The following ACOT11 variants were observed in gnomAD, a reference collection of about 807,000 sequenced individuals.
ACOT11 encodes the protein acyl-CoA thioesterase 11, also known as acyl-coenzyme A thioesterase 11.
ACOT11 carries 69 observed loss-of-function variants against 77.5 expected under a neutral mutation model. The observed-to-expected ratio is 0.89, with a 90% CI of 0.73 to 1.09. The LOEUF is 1.09. Among genes scored for constraint, ACOT11 ranks in the 50% least tolerant of loss-of-function variants. The pLI is 0.00. For missense variants in ACOT11, 766 were observed against 813.7 expected, an observed-to-expected ratio of 0.94 and a Z score of 0.71; for synonymous variants, 279 against 313.0, an observed-to-expected ratio of 0.89 and a Z score of 1.15.
intron 3 of ACOT11, among the ~76,000 whole-genome samples, chr1:54,587,189 T>C (rs1442410017): frequency 6.6e-6 from 1 of 152,094 alleles, no homozygotes; most frequent in Non-Finnish European, 1.5e-5. Context: ...TGTAGGAACG[T>C]CATTCAATTC....
chr1:54,590,218 T>C (rs1654659054), intron 3 of ACOT11, among the ~76,000 whole-genome samples: 1 of 152,230 alleles, frequency 6.6e-6, no homozygotes, highest in African/African-American at 2.4e-5. Flanking sequence ...TCTAGAGTCC[T>C]TCATCACCTG....
intron 1 of ACOT11, among the ~76,000 whole-genome samples, chr1:54,577,182 G>GACCA (rs1355215891): frequency 6.6e-6 from 1 of 152,088 alleles, no homozygotes; most frequent in East Asian, 1.9e-4. Context: ...ATTTTAAAGT[G>GACCA]ACCAGTTCCA....
intron 1 of ACOT11, among the ~76,000 whole-genome samples, chr1:54,554,290 AGTGTGTGTGTGTGT>A (rs67577349): frequency 1.8e-3 from 191 of 108,430 alleles, no homozygotes; most frequent in Middle Eastern, 5.2e-3. Flanking sequence ...AGTATTCCAT[AGTGTGTGTGTGTGT>A]GTGTGTGTGT....
chr1:54,555,345 G>A (rs1653222917), intron 1 of ACOT11, among the ~76,000 whole-genome samples: 1 of 152,176 alleles, frequency 6.6e-6, no homozygotes, highest in Non-Finnish European at 1.5e-5. Flanking sequence ...GATTAGTGAT[G>A]TTGAGCATTT....
In ACOT11 at chr1:54,556,140, T is replaced by C. The variant is rs573234083; in HGVS notation, c.33+7798T>C. Reference sequence around the variant, plus strand: ...CCAACATCAATTGTTGAATAGACTGTCCCTTCCCCAATGTGTGTTCTGGCA... The same window carrying C: ...CCAACATCAATTGTTGAATAGACTGCCCCTTCCCCAATGTGTGTTCTGGCA... On this transcript the variant is annotated intron_variant, in intron 1 of 15. Coordinates refer to ENST00000343744, the MANE Select transcript of ACOT11 (RefSeq NM_147161.4). Among the ~76,000 whole-genome samples the C allele has an allele frequency of 3.1e-3, 468 of 152,328 alleles. 2 individuals are homozygous for C. The highest frequency in any genetic ancestry group is 0.01 in the African/African-American group (436 of 41,580).
At chr1:54,560,810 C>A (rs145083412) in intron 1 of ACOT11, among the ~76,000 whole-genome samples, 5,845 of 152,194 alleles carry the variant, frequency 0.038, 342 homozygotes, top group African/African-American at 0.13. Context: ...CAACCTCCGC[C>A]TCCTGGGTTC....
At chr1:54,571,686 C>T (rs1457050863) in intron 1 of ACOT11, among the ~76,000 whole-genome samples, 2 of 152,220 alleles carry the variant, frequency 1.3e-5, no homozygotes, top group Non-Finnish European at 2.9e-5. Flanking sequence ...CTGCTCCGCT[C>T]AGGAATGTTT....
chr1:54,565,719 C>G (rs2100954323), intron 1 of ACOT11, among the ~76,000 whole-genome samples: 1 of 152,290 alleles, frequency 6.6e-6, no homozygotes, highest in East Asian at 1.9e-4. Context: ...AAAGGCAATT[C>G]TTAGCCCCCG....
rs774157291 is a variant in ACOT11 at position 54,607,098 on chromosome 1, G to A, written c.1371-36G>A. 6.2e-7 allele frequency: 1 copy of A among 1,612,464 alleles called. No homozygotes were observed. Among genetic ancestry groups the A allele is most frequent in the Admixed American group, 1.7e-5 (1 of 59,974 alleles). ...CCCGCTGCTTGCATGGGAGCTGGAAGCTTCCTGGGGCACTGAGATCCCGGC... is the reference window on the plus strand; with the variant it reads ...CCCGCTGCTTGCATGGGAGCTGGAAACTTCCTGGGGCACTGAGATCCCGGC... On this transcript the variant is annotated intron_variant, in intron 13 of 15. Coordinates refer to ENST00000343744, the MANE Select transcript of ACOT11 (RefSeq NM_147161.4). This position sits in a 1 kb window ranked among gnomAD's most constrained non-coding sequence, Gnocchi z 4.5.
At chr1:54,613,485 G>T (rs929515955), downstream of ACOT11, among the ~76,000 whole-genome samples, 1 of 150,006 alleles carries the variant, frequency 6.7e-6, no homozygotes, top group South Asian at 2.1e-4. Context: ...ACGTGGTCTC[G>T]CTGTGTTGCC....
At position 54,603,930 on chromosome 1, in the gene ACOT11, G is replaced by C. The variant is rs749372318; in HGVS notation, c.1145G>C (p.Ser382Thr). Residue 382 changes from serine to threonine, a missense_variant, in exon 11 of 16, where the codon AGC becomes ACC. Ser to Thr is a moderately conservative substitution (Grantham distance 58). Coordinates refer to ENST00000343744, the MANE Select transcript of ACOT11 (RefSeq NM_147161.4). ...CCCCTCTCCGTCCCCTGGGACCCTA[G>C]CAACCAGGTAAGGCTCTCTGCTCCG... ...EVPLSVPWDP[S>T]NQVYLSYNNV... The C allele has an allele frequency of 5.0e-5, 81 of 1,613,928 alleles. No homozygotes were observed. The highest frequency in any genetic ancestry group is 5.8e-5 in the Non-Finnish European group (69 of 1,179,966).
intron 15 of ACOT11, among the ~76,000 whole-genome samples, chr1:54,617,548 C>G (rs1644185516): frequency 6.6e-6 from 1 of 151,224 alleles, no homozygotes; most frequent in South Asian, 2.1e-4. Flanking sequence ...GTGGTCTGTA[C>G]AATCAGGGCC....
downstream of ACOT11, among the ~76,000 whole-genome samples, chr1:54,612,195 G>T (rs566832260): frequency 1.9e-3 from 290 of 151,932 alleles, 3 homozygotes; most frequent in Middle Eastern, 0.017. Context: ...TAGCCCCAGG[G>T]GTACAGCGGG....
chr1:54,560,982 C>T (rs563475051), intron 1 of ACOT11, among the ~76,000 whole-genome samples: 1 of 152,096 alleles, frequency 6.6e-6, no homozygotes, highest in African/African-American at 2.4e-5. Flanking sequence ...CTCGGCCTCC[C>T]AAAGTGCTGG....
At position 54,594,690 on chromosome 1, in the gene ACOT11, C is replaced by T. The variant is rs551140485; in HGVS notation, c.606C>T (p.Gly202=). The part of the protein sequence containing the change: ...KDLLANCAIQ[G]DLESRDCSRM... ...TCCTGGCCAACTGCGCCATTCAGGGCGGTGAGCAGCTGCCAGCTGTGCATG... is the reference window on the plus strand; with the variant it reads ...TCCTGGCCAACTGCGCCATTCAGGGTGGTGAGCAGCTGCCAGCTGTGCATG... The change falls in exon 6 of 16, where the codon GGC becomes GGT. Residue 202 remains glycine (G), a splice_region_variant and synonymous_variant. Coordinates refer to ENST00000343744, the MANE Select transcript of ACOT11 (RefSeq NM_147161.4). 56 of 1,609,078 alleles carry T rather than the reference C, an allele frequency of 3.5e-5. No individual in the cohort carries two copies. In the East Asian group the frequency reaches 5.6e-4, roughly 16 times the overall value.
At chr1:54,587,745 A>G (rs1016283887) in intron 3 of ACOT11, among the ~76,000 whole-genome samples, 2 of 150,654 alleles carry the variant, frequency 1.3e-5, no homozygotes, top group African/African-American at 2.4e-5. Context: ...TATTTTTAGT[A>G]GAGACGGGGT....
intron 8 of ACOT11, 129 bp from the exon 9 acceptor site, chr1:54,601,140 C>CGTGT: frequency 1.3e-6 from 1 of 775,298 alleles, no homozygotes; most frequent in Non-Finnish European, 2.0e-6. Flanking sequence ...TGTGTGCATA[C>CGTGT]GTGTGTGTGT....
intron 1 of ACOT11, among the ~76,000 whole-genome samples, chr1:54,574,357 C>T (rs1049435029): frequency 6.6e-6 from 1 of 152,110 alleles, no homozygotes; most frequent in Non-Finnish European, 1.5e-5. Context: ...TAGCAGATCT[C>T]CTAGGGAACT....
chr1:54,611,379 GAC>G (rs1278514348), downstream of ACOT11, among the ~76,000 whole-genome samples: 1 of 152,094 alleles, frequency 6.6e-6, no homozygotes, highest in African/African-American at 2.4e-5. Flanking sequence ...CAGCCTGGGT[GAC>G]AGAGTCAGAC....
Sources: gnomAD v4.1 joint callset for allele counts (sites outside exome capture counted in the v4.1 genomes callset) on GRCh38, gnomAD v4.1.1 for gene constraint, Gnocchi (gnomAD v3.1) non-coding constraint, MANE v1.5 for transcripts, NCBI Gene and HGNC (gene_info 2026-07-23, HGNC 2026-07-21) for gene names.